GAPDH: variants seen among roughly 807,000 people sequenced by gnomAD.
GAPDH encodes the protein OCAS, p38 component.
A neutral mutation model predicts 31.2 loss-of-function variants in GAPDH; 13 were observed. The observed-to-expected ratio is 0.42, with a 90% CI of 0.27 to 0.66. GAPDH has a LOEUF of 0.66. Among genes scored for constraint, GAPDH ranks in the 30% least tolerant of loss-of-function variants. The pLI, the probability that GAPDH is intolerant of heterozygous loss-of-function variation, is 0.26. For missense variants in GAPDH, 300 were observed against 443.7 expected (o/e 0.68, Z 2.91); for synonymous variants, 211 against 166.9 (o/e 1.26, Z -2.04).
rs1355279210 is a variant in GAPDH at position 6,537,295 on chromosome 12, CTCTT to C, written c.444-8_444-5del. ...GCTCCCCTGACTTGCGCCCCGCTCC[CTCTT>C]TCTTTGCAGCAATGCCTCCTGCACC... On this transcript the variant is annotated splice_polypyrimidine_tract_variant and intron_variant, in intron 6 of 8. Transcript: ENST00000229239. The surrounding 1 kb of genome is among the most constrained non-coding windows in gnomAD (Gnocchi z 4.9). The C allele has an allele frequency of 1.2e-5, 19 of 1,601,082 alleles. No homozygotes were observed. The highest frequency in any genetic ancestry group is 2.7e-5 in the African/African-American group (2 of 74,862).
In GAPDH at chr12:6,537,531, G is replaced by A; in HGVS notation, c.526-53G>A. ...ATAATTTCCTTTCAAGGTGGGGAGG[G>A]AGGTAGAGGGGTGATGTGGGGAGTA... On this transcript the variant is annotated intron_variant, in intron 7 of 8. Coordinates refer to ENST00000229239, the MANE Select transcript of GAPDH (RefSeq NM_002046.7). The surrounding 1 kb of genome is among the most constrained non-coding windows in gnomAD (Gnocchi z 4.9). The A allele has an allele frequency of 6.3e-7, 1 of 1,590,352 alleles. No individual in the cohort carries two copies. The highest frequency in any genetic ancestry group is 8.6e-7 in the Non-Finnish European group (1 of 1,166,828).
In GAPDH at chr12:6,534,552, C is replaced by T. The variant is rs551180067; in HGVS notation, c.-41C>T. 16 of 517,524 alleles carry T rather than the reference C, an allele frequency of 3.1e-5. No homozygotes were observed. Among genetic ancestry groups the T allele is most frequent in the South Asian group, 2.5e-4 (12 of 47,974 alleles). 32.1% of individuals were successfully genotyped at this position (517,524 alleles called of 1,614,324 possible). ...CCTCCTGTTCGACAGTCAGCCGCAT[C>T]TTCTTTTGCGTCGCCAGGTGAAGAC... On this transcript the variant is annotated 5_prime_UTR_variant, in exon 1 of 9. Transcript: ENST00000229239.
rs781529712 is a variant in GAPDH, at chr12:6,537,037, G to A, written c.327+27G>A. On this transcript the variant is annotated intron_variant, in intron 5 of 8. Transcript: ENST00000229239. This position sits in a 1 kb window ranked among gnomAD's most constrained non-coding sequence, Gnocchi z 4.9. The stretch of plus-strand genomic sequence containing the variant: ...TGAGTGCAGGAGGGCCCGCGGGAGG[G>A]GAAGCTGACTCAGCCCTGCAAAGGC... 2 of 1,608,424 alleles carry A rather than the reference G, an allele frequency of 1.2e-6. No homozygotes were observed. The highest frequency in any genetic ancestry group is 1.7e-6 in the Non-Finnish European group (2 of 1,177,208).
Position 6,537,257 on chromosome 12 carries a change from A to G in GAPDH, c.443+41A>G. 1 of 1,596,588 alleles carries G rather than the reference A, an allele frequency of 6.3e-7. No individual in the cohort carries two copies. The highest frequency in any genetic ancestry group is 8.5e-7 in the Non-Finnish European group (1 of 1,175,536). ...CCCGTGGAGAAGCGGCCAGCCTGGCACCCTATGGACACGCTCCCCTGACTT... is the reference window on the plus strand; with the variant it reads ...CCCGTGGAGAAGCGGCCAGCCTGGCGCCCTATGGACACGCTCCCCTGACTT... On this transcript the variant is annotated intron_variant, in intron 6 of 8. Coordinates refer to ENST00000229239, the MANE Select transcript of GAPDH (RefSeq NM_002046.7). The surrounding 1 kb of genome is among the most constrained non-coding windows in gnomAD (Gnocchi z 4.9).
intron 2 of GAPDH, chr12:6,535,136 G>A: frequency 1.0e-6 from 1 of 959,632 alleles, no homozygotes; most frequent in Non-Finnish European, 1.4e-6. Flanking sequence ...TCCCGACCCG[G>A]ACCCCTAGGT....
chr12:6,537,459 G>C lies in GAPDH; in HGVS notation c.525+69G>C, dbSNP rs1382882126. 6.3e-6 allele frequency: 10 copies of C among 1,583,470 alleles called. No homozygotes were observed. Among genetic ancestry groups the C allele is most frequent in the Non-Finnish European group, 8.7e-6 (10 of 1,155,180 alleles). On this transcript the variant is annotated intron_variant, in intron 7 of 8. Coordinates refer to ENST00000229239, the MANE Select transcript of GAPDH (RefSeq NM_002046.7). The surrounding 1 kb of genome is among the most constrained non-coding windows in gnomAD (Gnocchi z 4.9). ...TCCAAGACTGGCTCCTCCCTGCCGG[G>C]GCTGCGTGCAACCCTGGGGTTGGGG... is the stretch of plus-strand genomic sequence containing the variant.
rs1185014943 is a variant in GAPDH, at chr12:6,538,223, C to T, written c.*53C>T. On this transcript the variant is annotated 3_prime_UTR_variant, in exon 9 of 9. Transcript: ENST00000229239. ...AGCACAAGAGGAAGAGAGAGACCCT[C>T]ACTGCTGGGGAGTCCCTGCCACACT... 1.3e-4 allele frequency: 182 copies of T among 1,449,780 alleles called. No homozygotes were observed. The highest frequency in any genetic ancestry group is 1.5e-4 in the Non-Finnish European group (160 of 1,044,724). 89.8% of individuals were successfully genotyped at this position (1,449,780 alleles called of 1,614,324 possible). A position where few individuals can be genotyped will look rare whatever the true frequency, so the allele number is the denominator to read the frequency against.
chr12:6,536,808 T>C lies in GAPDH; in HGVS notation c.236+18T>C. ...TTCCAGGAGTGAGTGGAAGACAGAA[T>C]GGAAGAAATGTGCTTTGGGGAGGCA... is the stretch of plus-strand genomic sequence containing the variant. On this transcript the variant is annotated intron_variant, in intron 4 of 8. Coordinates refer to ENST00000229239, the MANE Select transcript of GAPDH (RefSeq NM_002046.7). 3 of 1,606,732 alleles carry C rather than the reference T, an allele frequency of 1.9e-6. No individual in the cohort carries two copies. Among genetic ancestry groups the C allele is most frequent in the Non-Finnish European group, 2.6e-6 (3 of 1,173,306 alleles).
Position 6,537,554 on chromosome 12 carries a change from GTAC to G in GAPDH, c.526-29_526-27del. On this transcript the variant is annotated intron_variant, in intron 7 of 8. Transcript: ENST00000229239. The surrounding 1 kb of genome is among the most constrained non-coding windows in gnomAD (Gnocchi z 4.9). ...GGGAGGTAGAGGGGTGATGTGGGGAGTACGCTGCAGGGCCTCACTCCTTTTGCA... is the reference window on the plus strand; with the variant it reads ...GGGAGGTAGAGGGGTGATGTGGGGAGGCTGCAGGGCCTCACTCCTTTTGCA... 6.2e-7 allele frequency: 1 copy of G among 1,600,498 alleles called. No individual in the cohort carries two copies. The highest frequency in any genetic ancestry group is 8.5e-7 in the Non-Finnish European group (1 of 1,172,978).
chr12:6,535,122 G>A (rs1014885223), intron 2 of GAPDH: 2 of 884,998 alleles, frequency 2.3e-6, no homozygotes, highest in Non-Finnish European at 3.1e-6. Context: ...ACTCCCGCCC[G>A]AGATCCCGAC....
At position 6,537,019 on chromosome 12, in the gene GAPDH, A is replaced by AG. The variant is rs764987029; in HGVS notation, c.327+11dup. ...CCATGGAGAAGGCTGGGGTGAGTGC[A>AG]GGAGGGCCCGCGGGAGGGGAAGCTG... On this transcript the variant is annotated intron_variant, in intron 5 of 8. Transcript: ENST00000229239. The surrounding 1 kb of genome is among the most constrained non-coding windows in gnomAD (Gnocchi z 4.9). 6 of 1,610,252 alleles carry AG rather than the reference A, an allele frequency of 3.7e-6. No individual in the cohort carries two copies. Among genetic ancestry groups the AG allele is most frequent in the Non-Finnish European group, 4.2e-6 (5 of 1,178,908 alleles).
At position 6,538,152 on chromosome 12, in the gene GAPDH, C is replaced by G. The variant is rs759418707; in HGVS notation, c.990C>G (p.His330Gln). The G allele has an allele frequency of 6.2e-7, 1 of 1,611,214 alleles. No individual in the cohort carries two copies. Among genetic ancestry groups the G allele is most frequent in the Non-Finnish European group, 8.5e-7 (1 of 1,179,886 alleles). Reference protein sequence around the residue: ...YSNRVVDLMAHMASKE With the variant: ...YSNRVVDLMAQMASKE ...ACAGGGTGGTGGACCTCATGGCCCA[C>G]ATGGCCTCCAAGGAGTAAGACCCCT... Residue 330 changes from histidine (H) to glutamine (Q), a missense_variant, in exon 9 of 9, where the codon CAC becomes CAG. Physicochemically the swap from His to Gln is conservative, Grantham distance 24. Transcript: ENST00000229239.
chr12:6,536,343 A>G lies in GAPDH; in HGVS notation c.30-151A>G, dbSNP rs1401618618. On this transcript the variant is annotated intron_variant, in intron 2 of 8. Coordinates refer to ENST00000229239, the MANE Select transcript of GAPDH (RefSeq NM_002046.7). ...CTTAAGCCAGGCCAGCCTGGCAGGG[A>G]AGCTCAAGGGAGATAAAATTCAACC... The G allele has an allele frequency of 1.6e-5, 10 of 634,042 alleles. No individual in the cohort carries two copies. The East Asian group carries it at 2.4e-4, about 15-fold the overall frequency. The allele number at this position is 634,042 out of a possible 1,614,324, so 39.3% of individuals were successfully genotyped here.
At chr12:6,535,433 TCTC>T in intron 2 of GAPDH, 7 of 987,934 alleles carry the variant, frequency 7.1e-6, no homozygotes, top group Non-Finnish European at 7.2e-6. Context: ...TGGCCCGATT[TCTC>T]CTCCGGGTGA....
At chr12:6,536,848 G>A (rs780109655) in intron 4 of GAPDH, 58 bp downstream of exon 4, 3 of 1,574,166 alleles carry the variant, frequency 1.9e-6, no homozygotes, top group East Asian at 2.2e-5. Flanking sequence ...GGATGGTGTG[G>A]CTCCCTTGGG....
In GAPDH at chr12:6,537,274, C is replaced by G; in HGVS notation, c.444-35C>G. The G allele has an allele frequency of 6.3e-7, 1 of 1,599,450 alleles. No individual in the cohort carries two copies. The highest frequency in any genetic ancestry group is 8.5e-7 in the Non-Finnish European group (1 of 1,177,534). ...AGCCTGGCACCCTATGGACACGCTC[C>G]CCTGACTTGCGCCCCGCTCCCTCTT... On this transcript the variant is annotated intron_variant, in intron 6 of 8. Coordinates refer to ENST00000229239, the MANE Select transcript of GAPDH (RefSeq NM_002046.7). The surrounding 1 kb of genome is among the most constrained non-coding windows in gnomAD (Gnocchi z 4.9).
At chr12:6,535,024 C>A in intron 2 of GAPDH, 163 bp downstream of exon 2, 1 of 883,482 alleles carries the variant, frequency 1.1e-6, no homozygotes, top group Non-Finnish European at 1.7e-6. Flanking sequence ...GCCCCGCACC[C>A]AGGCTGTGGC....
intron 8 of GAPDH, 50 bp downstream of exon 8, chr12:6,538,046 G>C (rs183915268): frequency 6.3e-7 from 1 of 1,597,294 alleles, no homozygotes; most frequent in African/African-American, 1.3e-5. Context: ...AGGGTCTGGC[G>C]CCCTCTGGTG....
At position 6,536,993 on chromosome 12, in the gene GAPDH, A is replaced by G; in HGVS notation, c.310A>G (p.Thr104Ala). Residue 104 changes from threonine (T) to alanine (A), a missense_variant, in exon 5 of 9, where the codon ACC becomes GCC. Coordinates refer to ENST00000229239, the MANE Select transcript of GAPDH (RefSeq NM_002046.7). ...YVVESTGVFT[T>A]MEKAGAHLQG... ...CGTGGAGTCCACTGGCGTCTTCACC[A>G]CCATGGAGAAGGCTGGGGTGAGTGC... 1 of 1,613,052 alleles carries G rather than the reference A, an allele frequency of 6.2e-7. No individual in the cohort carries two copies. Among genetic ancestry groups the G allele is most frequent in the Non-Finnish European group, 8.5e-7 (1 of 1,179,680 alleles).
Sources: gnomAD v4.1 joint callset for allele counts on GRCh38, gnomAD v4.1.1 for gene constraint, Gnocchi (gnomAD v3.1) non-coding constraint, MANE v1.5 for transcripts, NCBI Gene and HGNC (gene_info 2026-07-23, HGNC 2026-07-21) for gene names.